COL22A1: variants seen among roughly 807,000 people sequenced by gnomAD.
COL22A1 encodes collagen alpha-1(XXII) chain.
A neutral mutation model predicts 248.9 loss-of-function variants in COL22A1; 221 were observed. The observed-to-expected ratio is 0.89, with a 90% CI of 0.80 to 0.99. The LOEUF (loss-of-function observed/expected upper bound fraction) is 0.99. Ranked by LOEUF, COL22A1 falls within the 50% of genes least tolerant of loss-of-function variation. The probability of loss-of-function intolerance (pLI) is 0.00; values close to 1 mark genes in which losing one functional copy is unlikely to be tolerated. For missense variants in COL22A1, 2,240 were observed against 2,179.0 expected, an observed-to-expected ratio of 1.03 and a Z score of -0.56; for synonymous variants, 891 against 793.4, an observed-to-expected ratio of 1.12 and a Z score of -2.07.
At chr8:138,810,189 A>G (rs932843426) in intron 9 of COL22A1, among the ~76,000 whole-genome samples, 1 of 152,290 alleles carries the variant, frequency 6.6e-6, no homozygotes, top group South Asian at 2.1e-4. Context: ...GGGAAGAGGG[A>G]AATGACACAG....
intron 1 of COL22A1, among the ~76,000 whole-genome samples, chr8:138,906,658 CTT>C (rs371559054): frequency 1.4e-5 from 2 of 144,410 alleles, no homozygotes. Flanking sequence ...CTTTCTTTTT[CTT>C]TTTTTTTTTT....
In COL22A1 at chr8:138,691,888, G is replaced by C. The variant is rs1268804241; in HGVS notation, c.2755-1014C>G. ...TGTGCATGTTTGTGGAGGTGTATGT[G>C]TGGAGGTGTATGTGTGCACGTGCAT... On this transcript the variant is annotated intron_variant, in intron 35 of 64. Coordinates refer to ENST00000303045, the MANE Select transcript of COL22A1 (RefSeq NM_152888.3). Among the ~76,000 whole-genome samples, 3 of 124,494 alleles carry C rather than the reference G, an allele frequency of 2.4e-5. No homozygotes were observed. The East Asian group carries it at 8.3e-4, about 34-fold the overall frequency. The allele number at this position is 124,494 out of a possible 152,430, so 81.7% of individuals were successfully genotyped here. A position where few individuals can be genotyped will look rare whatever the true frequency, so the allele number is the denominator to read the frequency against.
intron 4 of COL22A1, among the ~76,000 whole-genome samples, chr8:138,840,553 A>ACGCG (rs1362331725): frequency 2.0e-5 from 3 of 149,848 alleles, no homozygotes; most frequent in African/African-American, 7.5e-5. Context: ...ACACACACAC[A>ACGCG]CACACGCGCT....
chr8:138,819,360 A>G (rs926895014), intron 7 of COL22A1, among the ~76,000 whole-genome samples: 2 of 152,068 alleles, frequency 1.3e-5, no homozygotes, highest in African/African-American at 4.8e-5. Context: ...TAGTAGTAAA[A>G]CAGGCAAAGG....
At chr8:138,599,807 CT>C (rs1817856367) in intron 60 of COL22A1, among the ~76,000 whole-genome samples, 1 of 152,208 alleles carries the variant, frequency 6.6e-6, no homozygotes, top group African/African-American at 2.4e-5. Context: ...CACAGGTAGT[CT>C]ATAGAGAACA....
intron 45 of COL22A1, among the ~76,000 whole-genome samples, chr8:138,650,932 CACTA>C (rs1822672544): frequency 6.6e-6 from 1 of 152,144 alleles, no homozygotes; most frequent in African/African-American, 2.4e-5. Context: ...CAAATACATG[CACTA>C]ACTATGGTCT....
chr8:138,655,857 C>T, intron 45 of COL22A1, 40 bp downstream of exon 45: 5 of 1,538,494 alleles, frequency 3.2e-6, no homozygotes, highest in South Asian at 1.1e-5. Context: ...CCCGCCATCA[C>T]CATTTTCAAA....
At chr8:138,721,764 C>A (rs1439428356) in intron 26 of COL22A1, among the ~76,000 whole-genome samples, 1 of 152,202 alleles carries the variant, frequency 6.6e-6, no homozygotes, top group South Asian at 2.1e-4. Context: ...AGGCTAATTC[C>A]TGCCTAGGCC....
intron 3 of COL22A1, among the ~76,000 whole-genome samples, chr8:138,859,018 A>G (rs569552767): frequency 4.2e-4 from 64 of 152,214 alleles, no homozygotes; most frequent in African/African-American, 1.4e-3. Flanking sequence ...CGGATAAACC[A>G]TCTCCCTTCT....
At chr8:138,721,265 G>A (rs959870558) in intron 26 of COL22A1, among the ~76,000 whole-genome samples, 3 of 152,150 alleles carry the variant, frequency 2.0e-5, no homozygotes, top group African/African-American at 4.8e-5. Flanking sequence ...ACATTTTCCC[G>A]TAATATTCAA....
intron 29 of COL22A1, 147 bp downstream of exon 29, chr8:138,716,079 TC>T (rs1175466075): frequency 1.5e-6 from 1 of 665,700 alleles, no homozygotes; most frequent in African/African-American, 1.8e-5. Flanking sequence ...CTTATCCCCT[TC>T]CCCGTCCCTT....
intron 10 of COL22A1, among the ~76,000 whole-genome samples, chr8:138,804,358 T>C (rs185679250): frequency 3.5e-4 from 53 of 152,312 alleles, no homozygotes; most frequent in African/African-American, 1.3e-3. Context: ...GGTCTCCAGG[T>C]GGCTGCATCA....
At chr8:138,899,515 T>C (rs1054251925) in intron 1 of COL22A1, among the ~76,000 whole-genome samples, 3 of 152,106 alleles carry the variant, frequency 2.0e-5, no homozygotes, top group Non-Finnish European at 4.4e-5. Flanking sequence ...ACGTCTTTGC[T>C]ATTGGGTCAT....
chr8:138,589,343 T>G lies in COL22A1; in HGVS notation c.4791A>C (p.Gly1597=), dbSNP rs765571677. The change falls in exon 65 of 65, where the codon GGA becomes GGC. Residue 1597 remains glycine, a synonymous_variant. Transcript: ENST00000303045. The part of the protein sequence containing the change: ...TGPAGHPGLP[G]PPGPPGQCDP... ...CACATTGGCCTGGGGGACCGGGAGGTCCTGGGAGGCCAGGATGTCCAGCTG... is the reference window on the plus strand; with the variant it reads ...CACATTGGCCTGGGGGACCGGGAGGGCCTGGGAGGCCAGGATGTCCAGCTG... 3.7e-6 allele frequency: 6 copies of G among 1,610,752 alleles called. No homozygotes were observed. The highest frequency in any genetic ancestry group is 5.1e-6 in the Non-Finnish European group (6 of 1,178,518).
In COL22A1 at chr8:138,676,837, T is replaced by TTATA. The variant is rs1272809197; in HGVS notation, c.3073-206_3073-203dup. Among the ~76,000 whole-genome samples the TTATA allele has an allele frequency of 2.0e-5, 3 of 152,120 alleles. No individual in the cohort carries two copies. In the South Asian group the frequency reaches 6.2e-4, roughly 32 times the overall value. ...CAGGGACCACAGCCACCAACTCAGA[T>TTATA]TATATACCTTTCAAGGACGACCACT... On this transcript the variant is annotated intron_variant, in intron 40 of 64. Coordinates refer to ENST00000303045, the MANE Select transcript of COL22A1 (RefSeq NM_152888.3).
At chr8:138,755,049 G>C (rs1056236721) in intron 21 of COL22A1, 108 bp downstream of exon 21, 2 of 1,107,700 alleles carry the variant, frequency 1.8e-6, no homozygotes, top group Non-Finnish European at 2.7e-6. Flanking sequence ...TGATGTGAAG[G>C]CGCTTGAGAT....
intron 45 of COL22A1, among the ~76,000 whole-genome samples, chr8:138,653,376 T>C (rs1483280815): frequency 1.3e-5 from 2 of 152,138 alleles, no homozygotes; most frequent in African/African-American, 2.4e-5. Flanking sequence ...ATGAATCGGA[T>C]AGTAGAGAGG....
chr8:138,595,503 A>C (rs1188683945), intron 62 of COL22A1, among the ~76,000 whole-genome samples: 1 of 152,152 alleles, frequency 6.6e-6, no homozygotes, highest in East Asian at 1.9e-4. Flanking sequence ...ATGAGACCTC[A>C]GAACACCACC....
At chr8:138,861,962 G>A (rs1822495288) in intron 3 of COL22A1, among the ~76,000 whole-genome samples, 2 of 142,744 alleles carry the variant, frequency 1.4e-5, no homozygotes, top group South Asian at 4.4e-4. Context: ...GCCGAGGCGG[G>A]CAGATCACTT....
Sources: allele counts gnomAD v4.1 joint callset (sites outside exome capture counted in the v4.1 genomes callset), GRCh38; gene constraint gnomAD v4.1.1; transcripts MANE v1.5; gene names NCBI Gene and HGNC (gene_info 2026-07-23, HGNC 2026-07-21).